SYT1: variants seen among roughly 807,000 people sequenced by gnomAD.
The protein encoded by SYT1 is synaptotagmin-1.
SYT1 carries 8 observed loss-of-function variants against 44.8 expected under a neutral mutation model. The ratio of observed to expected loss-of-function variants is 0.18; its 90% confidence interval spans 0.10 to 0.32. SYT1 has a LOEUF of 0.32. Among genes scored for constraint, SYT1 ranks in the 10% least tolerant of loss-of-function variants. SYT1 has a pLI of 1.00. For missense variants in SYT1, 286 were observed against 509.3 expected (o/e 0.56, Z 4.22); for synonymous variants, 154 against 188.8 (o/e 0.82, Z 1.51).
intron 3 of SYT1, among the ~76,000 whole-genome samples, chr12:79,166,464 C>G (rs939167770): frequency 6.6e-5 from 10 of 151,674 alleles, no homozygotes; most frequent in African/African-American, 2.4e-4. Flanking sequence ...ACTGCAGAGA[C>G]TAGGAGACAA....
At chr12:79,258,348 GGAA>G (rs944918070) in intron 4 of SYT1, among the ~76,000 whole-genome samples, 22 of 151,184 alleles carry the variant, frequency 1.5e-4, no homozygotes, top group Non-Finnish European at 2.2e-4. Flanking sequence ...ATTAGACAAG[GGAA>G]GAAGATGAGA....
chr12:79,222,924 C>T (rs1197233922), intron 4 of SYT1, among the ~76,000 whole-genome samples: 1 of 151,678 alleles, frequency 6.6e-6, no homozygotes, highest in East Asian at 1.9e-4. Context: ...TTATATTTTT[C>T]TTGACTCCAC....
chr12:79,282,594 A>G (rs1325979281), intron 4 of SYT1, among the ~76,000 whole-genome samples: 1 of 152,090 alleles, frequency 6.6e-6, no homozygotes, highest in African/African-American at 2.4e-5. Flanking sequence ...CTTATTTTGT[A>G]TTTAAAAAAT....
At chr12:79,112,924 G>A (rs1271005379) in intron 3 of SYT1, among the ~76,000 whole-genome samples, 2 of 152,078 alleles carry the variant, frequency 1.3e-5, no homozygotes, top group African/African-American at 2.4e-5. Flanking sequence ...AACTGGCAGA[G>A]TGCAGACAAA....
chr12:79,445,990 C>CACATATATATATAT (rs1351149858), intron 10 of SYT1, among the ~76,000 whole-genome samples: 2 of 44,138 alleles, frequency 4.5e-5, no homozygotes, highest in African/African-American at 1.5e-4. Context: ...AATCCAAAGA[C>CACATATATATATAT]ATATATATAT....
chr12:79,039,229 AC>A (rs1565775378), intron 2 of SYT1, among the ~76,000 whole-genome samples: 1 of 152,080 alleles, frequency 6.6e-6, no homozygotes, highest in Non-Finnish European at 1.5e-5. Context: ...ATACAAAAAA[AC>A]ACTAAAAAGT....
intron 1 of SYT1, among the ~76,000 whole-genome samples, chr12:78,900,154 T>C (rs1228422560): frequency 1.3e-5 from 2 of 152,234 alleles, no homozygotes; most frequent in South Asian, 2.1e-4. Flanking sequence ...TCCATAGTTT[T>C]CTGATAAAGT....
chr12:79,210,807 T>C (rs1247942010), intron 3 of SYT1, among the ~76,000 whole-genome samples: 1 of 152,198 alleles, frequency 6.6e-6, no homozygotes, highest in Admixed American at 6.5e-5. Flanking sequence ...AACAAAAGTA[T>C]AAATTTTAAT....
At chr12:79,148,533 T>A (rs1233867751) in intron 3 of SYT1, among the ~76,000 whole-genome samples, 1 of 152,130 alleles carries the variant, frequency 6.6e-6, no homozygotes, top group Non-Finnish European at 1.5e-5. Flanking sequence ...TATATGGAGA[T>A]GGCACAATTT....
At chr12:79,312,086 TG>T (rs1467325187) in intron 8 of SYT1, among the ~76,000 whole-genome samples, 3 of 152,042 alleles carry the variant, frequency 2.0e-5, no homozygotes, top group Admixed American at 1.3e-4. Context: ...TTGGGGAAAA[TG>T]TTTTTTTGTG....
intron 3 of SYT1, among the ~76,000 whole-genome samples, chr12:79,205,992 A>C (rs1874099510): frequency 6.6e-6 from 1 of 152,216 alleles, no homozygotes. Context: ...CATTAACTAC[A>C]AGATGCACCA....
At chr12:78,970,147 G>GA (rs1868341431) in intron 1 of SYT1, among the ~76,000 whole-genome samples, 1 of 152,100 alleles carries the variant, frequency 6.6e-6, no homozygotes. Flanking sequence ...AGTCATAGAA[G>GA]AAAGAATTGA....
intron 3 of SYT1, among the ~76,000 whole-genome samples, chr12:79,126,407 T>A (rs919328114): frequency 6.6e-6 from 1 of 152,134 alleles, no homozygotes; most frequent in African/African-American, 2.4e-5. Flanking sequence ...ATTGCAGGCA[T>A]GTGCCACCAC....
chr12:79,362,320 G>C (rs907598341), intron 9 of SYT1, among the ~76,000 whole-genome samples: 1 of 152,136 alleles, frequency 6.6e-6, no homozygotes, highest in Admixed American at 6.5e-5. Context: ...AAAGGAAAAC[G>C]TGACCCAATT....
chr12:79,117,622 A>C (rs1429867461), intron 3 of SYT1, among the ~76,000 whole-genome samples: 1 of 141,008 alleles, frequency 7.1e-6, no homozygotes, highest in Non-Finnish European at 1.5e-5. Flanking sequence ...CACAGGACAG[A>C]TCACAGGACA....
At chr12:78,919,597 A>G (rs1046036739) in intron 1 of SYT1, among the ~76,000 whole-genome samples, 4 of 152,196 alleles carry the variant, frequency 2.6e-5, no homozygotes, top group South Asian at 2.1e-4. Context: ...TTCCCATGGC[A>G]TATGCCGATG....
Position 78,885,342 on chromosome 12 carries a change from A to G in SYT1, c.-217+20233A>G, listed in dbSNP as rs201336134. ...GAAGAAGGAAGGAGGGAAGGAAGAA[A>G]GGAAGGAAGGAACGAAGGAAGGAAG... On this transcript the variant is annotated intron_variant, in intron 1 of 10. Coordinates refer to ENST00000261205, the MANE Select transcript of SYT1 (RefSeq NM_005639.3). 2.0e-3 allele frequency among the ~76,000 whole-genome samples: 70 copies of G among 35,330 alleles called. 1 individual carries two copies. The highest frequency in any genetic ancestry group is 8.8e-3 in the East Asian group (7 of 800). The allele number at this position is 35,330 out of a possible 152,430, so 23.2% of individuals were successfully genotyped here.
intron 2 of SYT1, among the ~76,000 whole-genome samples, chr12:79,046,906 C>G (rs995786209): frequency 4.6e-5 from 7 of 151,746 alleles, no homozygotes; most frequent in Admixed American, 4.6e-4. Flanking sequence ...TTGTAATAGT[C>G]ATATTGGTAA....
At chr12:79,227,265 G>C (rs188562158) in intron 4 of SYT1, among the ~76,000 whole-genome samples, 1 of 151,916 alleles carries the variant, frequency 6.6e-6, no homozygotes, top group Admixed American at 6.6e-5. Context: ...AATGGTAAAC[G>C]CTTAGCATTT....
Sources: gnomAD v4.1 joint callset for allele counts (sites outside exome capture counted in the v4.1 genomes callset) on GRCh38, gnomAD v4.1.1 for gene constraint, MANE v1.5 for transcripts, NCBI Gene and HGNC (gene_info 2026-07-23, HGNC 2026-07-21) for gene names.